Variants in GRXCR1 observed in about 807,000 individuals in gnomAD.
GRXCR1 encodes the protein glutaredoxin domain-containing cysteine-rich protein 1.
A neutral mutation model predicts 27.3 loss-of-function variants in GRXCR1; 27 were observed. That is an observed-to-expected ratio of 0.99 (90% confidence interval 0.73 to 1.37). GRXCR1 has a LOEUF of 1.37. Ranked by LOEUF, GRXCR1 falls within the 40% of genes most tolerant of loss-of-function variation. The pLI, the probability that GRXCR1 is intolerant of heterozygous loss-of-function variation, is 0.00. For missense variants in GRXCR1, 379 were observed against 354.4 expected, an observed-to-expected ratio of 1.07 and a Z score of -0.56; for synonymous variants, 122 against 131.1, an observed-to-expected ratio of 0.93 and a Z score of 0.47.
At chr4:43,030,311 C>G (rs770301918) in intron 3 of GRXCR1, 50 bp from the exon 4 acceptor site, 2 of 1,561,450 alleles carry the variant, frequency 1.3e-6, no homozygotes, top group South Asian at 1.1e-5. Context: ...TTGAGTTGTT[C>G]ATGCTAACAC....
At position 42,893,146 on chromosome 4, in the gene GRXCR1, T is replaced by A; in HGVS notation, c.-121T>A. Reference sequence around the variant, plus strand: ...TGGGAATCTTCTTTCCTTTTGATGTTAGTTTCACAGGAGTGCTGCCATCAC... The same window carrying A: ...TGGGAATCTTCTTTCCTTTTGATGTAAGTTTCACAGGAGTGCTGCCATCAC... On this transcript the variant is annotated 5_prime_UTR_variant, in exon 1 of 4. An upstream open reading frame in the 5' UTR gains an earlier in-frame stop. Transcript: ENST00000399770. 1.9e-6 allele frequency: 2 copies of A among 1,028,874 alleles called. No individual in the cohort carries two copies. Among genetic ancestry groups the A allele is most frequent in the Admixed American group, 3.4e-5 (2 of 58,224 alleles). 63.7% of individuals were successfully genotyped at this position (1,028,874 alleles called of 1,614,324 possible). A position where few individuals can be genotyped will look rare whatever the true frequency, so the allele number is the denominator to read the frequency against.
intron 2 of GRXCR1, among the ~76,000 whole-genome samples, chr4:42,998,874 T>C (rs1000091818): frequency 6.6e-6 from 1 of 152,212 alleles, no homozygotes; most frequent in African/African-American, 2.4e-5. Context: ...CTTTAAAAAA[T>C]GATTGGCAAA....
Position 43,030,378 on chromosome 4 carries a change from T to C in GRXCR1, c.711T>C (p.His237=), listed in dbSNP as rs763724807. Residue 237 remains histidine, a synonymous_variant, in exon 4 of 4, where the codon CAT becomes CAC. Transcript: ENST00000399770. The stretch of plus-strand genomic sequence containing the variant: ...TTATACAGAGAGTACAGCATCCACA[T>C]GAGTGTCCCTCTTGTGGAGGCTTTG... ...LTKIERVQHP[H]ECPSCGGFGF... 11 of 1,613,690 alleles carry C rather than the reference T, an allele frequency of 6.8e-6. No individual in the cohort carries two copies. The highest frequency in any genetic ancestry group is 9.3e-6 in the Non-Finnish European group (11 of 1,179,802).
chr4:43,029,821 A>G (rs1045596971), intron 3 of GRXCR1, among the ~76,000 whole-genome samples: 1 of 152,218 alleles, frequency 6.6e-6, no homozygotes, highest in African/African-American at 2.4e-5. Context: ...AAGATTCTAT[A>G]CAAAAATGCA....
intron 2 of GRXCR1, among the ~76,000 whole-genome samples, chr4:43,004,321 G>T (rs1012233914): frequency 1.3e-5 from 2 of 152,214 alleles, no homozygotes; most frequent in African/African-American, 4.8e-5. Flanking sequence ...CTGCTGGAGG[G>T]GTGGAGCCCC....
Position 43,002,236 on chromosome 4 carries a change from C to T in GRXCR1, c.628-18118C>T, listed in dbSNP as rs564957210. 9.2e-5 allele frequency among the ~76,000 whole-genome samples: 14 copies of T among 152,422 alleles called. No homozygotes were observed. The South Asian group carries it at 2.9e-3, about 32-fold the overall frequency. On this transcript the variant is annotated intron_variant, in intron 2 of 3. Coordinates refer to ENST00000399770, the MANE Select transcript of GRXCR1 (RefSeq NM_001080476.3). ...TATGGGTGTCGGGCTGGGGGACAGT[C>T]AGGTCTTTCTCATCCCACGAGGCCA...
intron 1 of GRXCR1, among the ~76,000 whole-genome samples, chr4:42,932,017 T>A: frequency 6.6e-6 from 1 of 151,884 alleles, no homozygotes; most frequent in Non-Finnish European, 1.5e-5. Context: ...TTATTCACTA[T>A]CAGGCAAACA....
chr4:42,971,932 T>A lies in GRXCR1; in HGVS notation c.627+8798T>A, dbSNP rs116077423. On this transcript the variant is annotated intron_variant, in intron 2 of 3. Transcript: ENST00000399770. ...TCTGATATTGATTCAGGGTTCTTGC[T>A]TTGTTGCTCAGGCTGGAGGGCACTT... Among the ~76,000 whole-genome samples the A allele has an allele frequency of 5.2e-3, 797 of 152,288 alleles. 6 individuals are homozygous for A. The highest frequency in any genetic ancestry group is 0.018 in the African/African-American group (761 of 41,576).
intron 1 of GRXCR1, among the ~76,000 whole-genome samples, chr4:42,943,482 T>G (rs1747670499): frequency 1.3e-5 from 2 of 152,034 alleles, no homozygotes; most frequent in Admixed American, 6.6e-5. Flanking sequence ...TGGGCCCAGT[T>G]CTAGAGCTTC....
chr4:42,933,741 G>C (rs1747387560), intron 1 of GRXCR1, among the ~76,000 whole-genome samples: 1 of 151,868 alleles, frequency 6.6e-6, no homozygotes. Flanking sequence ...CTCTGAACCA[G>C]GAAATGGGCT....
intron 1 of GRXCR1, among the ~76,000 whole-genome samples, chr4:42,916,233 C>T (rs762129472): frequency 6.6e-6 from 1 of 151,966 alleles, no homozygotes; most frequent in Non-Finnish European, 1.5e-5. Context: ...TGATGAAAGC[C>T]CTCAGCAGAC....
chr4:42,935,338 A>G (rs1747431360), intron 1 of GRXCR1, among the ~76,000 whole-genome samples: 1 of 151,886 alleles, frequency 6.6e-6, no homozygotes, highest in Admixed American at 6.6e-5. Context: ...CATGGAACAC[A>G]TTTTGAGAAC....
Position 42,919,403 on chromosome 4 carries a change from G to A in GRXCR1, c.384+25753G>A, listed in dbSNP as rs189952417. 4.9e-3 allele frequency among the ~76,000 whole-genome samples: 744 copies of A among 152,164 alleles called. 6 individuals carry two copies. The highest frequency in any genetic ancestry group is 0.01 in the Middle Eastern group (3 of 294). Reference sequence around the variant, plus strand: ...GTGGGTGTCTGAATTTGAGGATATGGGGCAGCTTCTTAGTCTACCTTCTTG... The same window carrying A: ...GTGGGTGTCTGAATTTGAGGATATGAGGCAGCTTCTTAGTCTACCTTCTTG... On this transcript the variant is annotated intron_variant, in intron 1 of 3. Transcript: ENST00000399770.
intron 3 of GRXCR1, among the ~76,000 whole-genome samples, chr4:43,028,892 T>C (rs996782288): frequency 1.3e-5 from 2 of 152,186 alleles, no homozygotes; most frequent in African/African-American, 4.8e-5. Flanking sequence ...AAATTAATTG[T>C]TTGTTTTATT....
chr4:43,030,306 T>G (rs1007485032), intron 3 of GRXCR1, 55 bp from the exon 4 acceptor site: 1 of 1,530,892 alleles, frequency 6.5e-7, no homozygotes, highest in African/African-American at 1.4e-5. Flanking sequence ...GCTGATTGAG[T>G]TGTTCATGCT....
At chr4:42,939,590 G>A (rs1289847476) in intron 1 of GRXCR1, among the ~76,000 whole-genome samples, 1 of 152,042 alleles carries the variant, frequency 6.6e-6, no homozygotes, top group African/African-American at 2.4e-5. Context: ...ATATCTTAGA[G>A]GAAAGGTTTC....
chr4:42,968,830 C>G (rs562405582), intron 2 of GRXCR1, among the ~76,000 whole-genome samples: 1 of 151,934 alleles, frequency 6.6e-6, no homozygotes, highest in African/African-American at 2.4e-5. Flanking sequence ...TTATTGTTAA[C>G]CTTTAGTAGC....
intron 1 of GRXCR1, 91 bp downstream of exon 1, chr4:42,893,741 A>G (rs1042423304): frequency 5.9e-6 from 7 of 1,195,898 alleles, no homozygotes; most frequent in Admixed American, 5.1e-5. Context: ...AGCCTCTCTT[A>G]TTTGCAACTC....
intron 3 of GRXCR1, 56 bp downstream of exon 3, chr4:43,020,475 A>T: frequency 9.2e-7 from 1 of 1,083,918 alleles, no homozygotes; most frequent in Admixed American, 1.7e-5. Flanking sequence ...ACACATTCTG[A>T]TTATAATTGA....
Sources: allele counts gnomAD v4.1 joint callset (sites outside exome capture counted in the v4.1 genomes callset), GRCh38; gene constraint gnomAD v4.1.1; transcripts MANE v1.5; gene names NCBI Gene and HGNC (gene_info 2026-07-23, HGNC 2026-07-21).